MAP3K1: variants seen among roughly 807,000 people sequenced by gnomAD.
MAP3K1 encodes the protein mitogen-activated protein kinase kinase kinase 1, also known as MAP/ERK kinase kinase 1.
A neutral mutation model predicts 144.2 loss-of-function variants in MAP3K1; 36 were observed. The ratio of observed to expected loss-of-function variants is 0.25; its 90% CI spans 0.19 to 0.33. The LOEUF (loss-of-function observed/expected upper bound fraction) is 0.33. MAP3K1 is among the 10% of genes least tolerant of loss of function. MAP3K1 has a pLI of 1.00. For synonymous variants in MAP3K1, 718 were observed against 688.7 expected, an observed-to-expected ratio of 1.04 and a Z score of -0.67; for missense variants, 1,650 against 1,881.9, an observed-to-expected ratio of 0.88 and a Z score of 2.28.
intron 15 of MAP3K1, among the ~76,000 whole-genome samples, chr5:56,883,916 A>T (rs533838432): frequency 6.6e-6 from 1 of 152,050 alleles, no homozygotes; most frequent in Non-Finnish European, 1.5e-5. Context: ...TGGGAGGCCA[A>T]GGTGGTTGGA....
intron 7 of MAP3K1, among the ~76,000 whole-genome samples, 174 bp downstream of exon 7, chr5:56,872,205 T>G (rs1469869391): frequency 6.6e-6 from 1 of 152,236 alleles, no homozygotes; most frequent in Non-Finnish European, 1.5e-5. Flanking sequence ...GTAGGATCTT[T>G]AGGAGATGAC....
intron 1 of MAP3K1, among the ~76,000 whole-genome samples, chr5:56,847,218 T>C (rs566408727): frequency 6.6e-6 from 1 of 152,388 alleles, no homozygotes; most frequent in Admixed American, 6.5e-5. Flanking sequence ...CCTGAAAGTT[T>C]AGCCTTAGTG....
intron 6 of MAP3K1, among the ~76,000 whole-genome samples, chr5:56,871,380 T>C (rs1433857173): frequency 2.6e-5 from 4 of 152,210 alleles, no homozygotes; most frequent in African/African-American, 9.6e-5. Context: ...TTACGATACA[T>C]TCCTAGAAGT....
At chr5:56,832,904 G>T (rs914293666) in intron 1 of MAP3K1, among the ~76,000 whole-genome samples, 1 of 152,198 alleles carries the variant, frequency 6.6e-6, no homozygotes, top group Non-Finnish European at 1.5e-5. Flanking sequence ...ACGGAGTCTC[G>T]CTCTGTCACC....
chr5:56,850,186 C>CCT (rs1314755820), intron 1 of MAP3K1, among the ~76,000 whole-genome samples: 1 of 152,160 alleles, frequency 6.6e-6, no homozygotes, highest in African/African-American at 2.4e-5. Context: ...CCCTTGCTGT[C>CCT]CTCTTCCTCA....
At chr5:56,837,975 A>G (rs1746704988) in intron 1 of MAP3K1, among the ~76,000 whole-genome samples, 5 of 152,204 alleles carry the variant, frequency 3.3e-5, no homozygotes, top group Admixed American at 1.3e-4. Context: ...CCTACAGAGT[A>G]CTGACACCAG....
At chr5:56,872,391 A>G (rs576642934) in intron 7 of MAP3K1, among the ~76,000 whole-genome samples, 21 of 152,348 alleles carry the variant, frequency 1.4e-4, no homozygotes, top group Admixed American at 5.9e-4. Context: ...GAAGGACTTT[A>G]CCTGGTAGTC....
intron 10 of MAP3K1, among the ~76,000 whole-genome samples, chr5:56,875,528 A>G (rs1023418565): frequency 1.3e-5 from 2 of 152,008 alleles, no homozygotes; most frequent in African/African-American, 4.8e-5. Context: ...TAACTGTTTT[A>G]CTTTTTAGTT....
Position 56,881,792 on chromosome 5 carries a change from A to C in MAP3K1, c.2592A>C (p.Glu864Asp), listed in dbSNP as rs1188502124. ...TGATGGCTATTGCAGATGAGGTGGAAATTGCCGAAGCCATCCAGTTGGGCG... is the reference window on the plus strand; with the variant it reads ...TGATGGCTATTGCAGATGAGGTGGACATTGCCGAAGCCATCCAGTTGGGCG... ...RRLMAIADEV[E>D]IAEAIQLGVE... The change falls in exon 14 of 20, where the codon GAA becomes GAC. Residue 864 changes from glutamate to aspartate, a missense_variant. Glu to Asp is a conservative substitution (Grantham distance 45). Transcript: ENST00000399503. 3.7e-6 allele frequency: 6 copies of C among 1,614,144 alleles called. No homozygotes were observed. The highest frequency in any genetic ancestry group is 5.1e-6 in the Non-Finnish European group (6 of 1,180,018).
chr5:56,839,967 G>T (rs1337678013), intron 1 of MAP3K1, among the ~76,000 whole-genome samples: 1 of 152,178 alleles, frequency 6.6e-6, no homozygotes, highest in Admixed American at 6.5e-5. Flanking sequence ...TGTTAGAAGT[G>T]TTTGGGGTCT....
intron 7 of MAP3K1, among the ~76,000 whole-genome samples, 182 bp from the exon 8 acceptor site, chr5:56,872,459 A>G (rs908155356): frequency 6.6e-6 from 1 of 152,230 alleles, no homozygotes; most frequent in Non-Finnish European, 1.5e-5. Context: ...CAGAATGAAT[A>G]AAATAGCATT....
intron 1 of MAP3K1, among the ~76,000 whole-genome samples, chr5:56,831,223 G>A (rs543652539): frequency 6.9e-6 from 1 of 145,774 alleles, no homozygotes; most frequent in African/African-American, 2.6e-5. Flanking sequence ...GTGTGAATTT[G>A]AGGTTCAGAG....
Position 56,886,022 on chromosome 5 carries a change from C to T in MAP3K1, c.4073C>T (p.Ser1358Leu), listed in dbSNP as rs1748368219. 1 of 1,612,110 alleles carries T rather than the reference C, an allele frequency of 6.2e-7. No homozygotes were observed. Among genetic ancestry groups the T allele is most frequent in the Non-Finnish European group, 8.5e-7 (1 of 1,178,370 alleles). ...NYTEQLLRGL[S>L]YLHENQIIHR... ...ACTGAACAGTTACTCCGTGGCCTTT[C>T]GTATCTCCATGAAAACCAAATCATT... Residue 1358 changes from serine (S) to leucine (L), a missense_variant, in exon 17 of 20, where the codon TCG (serine) becomes TTG (leucine). Around this residue, in one of 6 missense-constraint regions of MAP3K1, gnomAD observed 165 missense variants for 322.9 expected, o/e 0.51. Coordinates refer to ENST00000399503, the MANE Select transcript of MAP3K1 (RefSeq NM_005921.2).
At chr5:56,816,086 A>T in intron 1 of MAP3K1, 31 bp downstream of exon 1, 1 of 1,201,168 alleles carries the variant, frequency 8.3e-7, no homozygotes, top group Non-Finnish European at 1.0e-6. Flanking sequence ...CGCGGCGGGG[A>T]CTTGGAGAGC....
chr5:56,822,546 A>G (rs766369559), intron 1 of MAP3K1, among the ~76,000 whole-genome samples: 119 of 152,198 alleles, frequency 7.8e-4, no homozygotes, highest in Non-Finnish European at 1.2e-3. Context: ...CTACTTAACC[A>G]TGACACTTCT....
At chr5:56,861,726 G>A (rs145616224) in intron 3 of MAP3K1, among the ~76,000 whole-genome samples, 52 of 152,256 alleles carry the variant, frequency 3.4e-4, no homozygotes, top group Middle Eastern at 3.4e-3. Flanking sequence ...TAGCTGTCTT[G>A]TATATTAAGC....
chr5:56,820,404 T>A, intron 1 of MAP3K1: 1 of 982,932 alleles, frequency 1.0e-6, no homozygotes. Flanking sequence ...TAAGGAGAAA[T>A]TTGTTTTGCA....
chr5:56,817,122 T>G (rs1433778739), intron 1 of MAP3K1: 3 of 985,162 alleles, frequency 3.0e-6, no homozygotes, highest in Non-Finnish European at 3.6e-6. Context: ...GTAAGGTAAT[T>G]TAGACCAGCG....
At chr5:56,825,642 G>C (rs569008483) in intron 1 of MAP3K1, among the ~76,000 whole-genome samples, 1 of 151,998 alleles carries the variant, frequency 6.6e-6, no homozygotes, top group Non-Finnish European at 1.5e-5. Context: ...CACTGCCATT[G>C]TCTCTTTAAT....
Sources: gnomAD v4.1 joint callset for allele counts (sites outside exome capture counted in the v4.1 genomes callset) on GRCh38, gnomAD v4.1.1 for gene constraint, gnomAD v4.1.1 regional missense constraint, MANE v1.5 for transcripts, NCBI Gene and HGNC (gene_info 2026-07-23, HGNC 2026-07-21) for gene names.